The following CDON variants were observed in gnomAD, a reference collection of about 807,000 sequenced individuals.
CDON encodes the protein cell adhesion molecule-related/down-regulated by oncogenes.
CDON carries 73 observed loss-of-function variants against 120.9 expected under a neutral mutation model. The observed-to-expected ratio is 0.60, with a 90% CI of 0.50 to 0.73. The LOEUF is 0.73. Among genes scored for constraint, CDON ranks in the 30% least tolerant of loss-of-function variants. The probability of loss-of-function intolerance (pLI) is 0.00; values close to 1 mark genes in which losing one functional copy is unlikely to be tolerated. For missense variants in CDON, 1,470 were observed against 1,587.3 expected, an observed-to-expected ratio of 0.93 and a Z score of 1.26; for synonymous variants, 566 against 573.5, an observed-to-expected ratio of 0.99 and a Z score of 0.19.
At chr11:126,054,870 G>A (rs1250034890) in intron 1 of CDON, among the ~76,000 whole-genome samples, 5 of 152,228 alleles carry the variant, frequency 3.3e-5, no homozygotes, top group African/African-American at 1.2e-4. Context: ...AGACTGACAC[G>A]TATGCAATTA....
intron 17 of CDON, 44 bp downstream of exon 17, chr11:125,981,004 AC>A: frequency 1.2e-6 from 2 of 1,600,710 alleles, no homozygotes; most frequent in Non-Finnish European, 1.7e-6. Context: ...AGTACTTGGC[AC>A]CCTGAGGGAC....
At chr11:126,031,906 ACTC>A (rs774248879) in intron 1 of CDON, among the ~76,000 whole-genome samples, 2 of 152,020 alleles carry the variant, frequency 1.3e-5, no homozygotes, top group Non-Finnish European at 2.9e-5. Context: ...AGCATAATAA[ACTC>A]AGTGCATTTT....
intron 11 of CDON, among the ~76,000 whole-genome samples, chr11:125,999,111 T>C (rs1365817823): frequency 2.0e-5 from 3 of 152,252 alleles, no homozygotes; most frequent in Non-Finnish European, 4.4e-5. Flanking sequence ...CAGGCAATGC[T>C]GAGTGATACT....
chr11:125,980,523 G>C (rs903029324), intron 17 of CDON, among the ~76,000 whole-genome samples: 1 of 152,168 alleles, frequency 6.6e-6, no homozygotes, highest in African/African-American at 2.4e-5. Flanking sequence ...ATTTCACTTG[G>C]ATTTACAGAG....
rs1945652829 is a variant in CDON at position 125,961,810 on chromosome 11, G to A, written c.3545C>T (p.Pro1182Leu). The A allele has an allele frequency of 6.2e-7, 1 of 1,614,056 alleles. No homozygotes were observed. Among genetic ancestry groups the A allele is most frequent in the Non-Finnish European group, 8.5e-7 (1 of 1,180,030 alleles). ...PEESVKDNVE[P>L]VPTQRTCCQD... ...ACAGCAGGTACGCTGAGTAGGGACTGGTTCCACATTGTCCTTGACGCTCTC... is the reference window on the plus strand; with the variant it reads ...ACAGCAGGTACGCTGAGTAGGGACTAGTTCCACATTGTCCTTGACGCTCTC... The change falls in exon 19 of 20, where the codon CCA becomes CTA. Residue 1182 changes from proline (P) to leucine (L), a missense_variant. Physicochemically the swap from Pro to Leu is moderately conservative, Grantham distance 98. Transcript: ENST00000531738.
At chr11:125,981,965 A>ATTTTTT (rs1591562448) in intron 16 of CDON, among the ~76,000 whole-genome samples, 3 of 34,430 alleles carry the variant, frequency 8.7e-5, no homozygotes, top group Non-Finnish European at 1.4e-4. Context: ...AAGTGATTCT[A>ATTTTTT]TTTTCTTTTT....
At chr11:126,019,558 G>T in intron 4 of CDON, 61 bp downstream of exon 4, 1 of 1,577,068 alleles carries the variant, frequency 6.3e-7, no homozygotes, top group Admixed American at 1.7e-5. Flanking sequence ...GAGCTTAGAA[G>T]TAGCTTATTT....
rs904797767 is a variant in CDON at position 126,015,625 on chromosome 11, GTTTATTCACATTC to G, written c.929-128_929-116del. ...TAACCAGTTGAAACAAAGTTGCATT[GTTTATTCACATTC>G]TTCTGTCTGCTGTGGTAATCAAGAA... On this transcript the variant is annotated intron_variant, in intron 6 of 19. Coordinates refer to ENST00000531738, the MANE Select transcript of CDON (RefSeq NM_001378964.1). 2.8e-6 allele frequency: 3 copies of G among 1,080,138 alleles called. No homozygotes were observed. The African/African-American group carries it at 4.7e-5, about 17-fold the overall frequency. The allele number at this position is 1,080,138 out of a possible 1,614,324, so 66.9% of individuals were successfully genotyped here. A position where few individuals can be genotyped will look rare whatever the true frequency, so the allele number is the denominator to read the frequency against.
intron 15 of CDON, among the ~76,000 whole-genome samples, chr11:125,987,697 C>T (rs1946509335): frequency 6.6e-6 from 1 of 152,092 alleles, no homozygotes; most frequent in Admixed American, 6.5e-5. Flanking sequence ...TTTTGTCTGG[C>T]TAGATTCTTA....
At chr11:126,053,003 G>A (rs940913546) in intron 1 of CDON, among the ~76,000 whole-genome samples, 5 of 152,044 alleles carry the variant, frequency 3.3e-5, no homozygotes, top group Non-Finnish European at 5.9e-5. Flanking sequence ...CAGGCAATAG[G>A]GGGTGTCATG....
intron 18 of CDON, among the ~76,000 whole-genome samples, chr11:125,963,781 C>T (rs889016124): frequency 1.3e-5 from 2 of 152,302 alleles, no homozygotes; most frequent in South Asian, 4.1e-4. Context: ...TCTAATACGA[C>T]TCTGATTTTA....
At chr11:126,029,254 G>A (rs1304362155) in intron 1 of CDON, among the ~76,000 whole-genome samples, 1 of 152,180 alleles carries the variant, frequency 6.6e-6, no homozygotes, top group Non-Finnish European at 1.5e-5. Flanking sequence ...GAAAAAGAAT[G>A]TAAGGCATGG....
At chr11:126,041,201 A>C (rs1190388489) in intron 1 of CDON, among the ~76,000 whole-genome samples, 4 of 151,948 alleles carry the variant, frequency 2.6e-5, no homozygotes, top group African/African-American at 9.7e-5. Flanking sequence ...AAAAAAAAAA[A>C]AAAAAGGGCA....
intron 16 of CDON, among the ~76,000 whole-genome samples, chr11:125,983,212 T>C (rs904166423): frequency 6.6e-6 from 1 of 152,104 alleles, no homozygotes; most frequent in African/African-American, 2.4e-5. Flanking sequence ...TATTTTATAA[T>C]AGCTGAGATA....
intron 1 of CDON, among the ~76,000 whole-genome samples, chr11:126,059,946 C>A (rs1296590098): frequency 4.0e-5 from 6 of 149,608 alleles, no homozygotes; most frequent in Non-Finnish European, 8.9e-5. Context: ...AAAAAAAAAA[C>A]CAAGAAACCA....
At chr11:126,009,344 A>G (rs1202482516) in intron 8 of CDON, among the ~76,000 whole-genome samples, 1 of 152,174 alleles carries the variant, frequency 6.6e-6, no homozygotes, top group African/African-American at 2.4e-5. Context: ...CCCCCCGTTG[A>G]CCACTGCTCT....
chr11:125,961,743 A>G lies in CDON; in HGVS notation c.3612T>C (p.Asp1204=), dbSNP rs760269348. The G allele has an allele frequency of 5.6e-6, 9 of 1,614,014 alleles. No individual in the cohort carries two copies. The highest frequency in any genetic ancestry group is 8.5e-7 in the Non-Finnish European group (1 of 1,179,980). The part of the protein sequence containing the change: ...VNDVSSDGSE[D]PAEFSRGDSC... ...CCTGACCTCTGCTGAACTCTGCTGG[A>G]TCTTCTGAGCCATCAGAGCTGACGT... is the stretch of plus-strand genomic sequence containing the variant. The change falls in exon 19 of 20, where the codon GAT becomes GAC. Residue 1204 remains aspartate (D), a synonymous_variant. Transcript: ENST00000531738.
intron 14 of CDON, among the ~76,000 whole-genome samples, chr11:125,991,407 A>AAAACACAG (rs1488382442): frequency 6.6e-6 from 1 of 152,226 alleles, no homozygotes; most frequent in African/African-American, 2.4e-5. Context: ...GAGAGAAACC[A>AAAACACAG]AAACACAGAC....
At chr11:125,978,701 G>A (rs1946211198) in intron 17 of CDON, among the ~76,000 whole-genome samples, 1 of 152,120 alleles carries the variant, frequency 6.6e-6, no homozygotes, top group Non-Finnish European at 1.5e-5. Context: ...CAAATCTAGT[G>A]GGCTCAAAAT....
Sources: allele counts gnomAD v4.1 joint callset (sites outside exome capture counted in the v4.1 genomes callset), GRCh38; gene constraint gnomAD v4.1.1; transcripts MANE v1.5; gene names NCBI Gene and HGNC (gene_info 2026-07-23, HGNC 2026-07-21).